RAB3IP: variants seen among roughly 807,000 people sequenced by gnomAD.
RAB3IP encodes the protein RAB3A interacting protein.
A neutral mutation model predicts 59.1 loss-of-function variants in RAB3IP; 36 were observed. The ratio of observed to expected loss-of-function variants is 0.61; its 90% CI spans 0.47 to 0.80. The LOEUF (loss-of-function observed/expected upper bound fraction) is 0.80, where lower values mean the gene tolerates loss of function less well. Ranked by LOEUF, RAB3IP falls within the 30% of genes least tolerant of loss-of-function variation. The pLI is 0.00. For synonymous variants in RAB3IP, 207 were observed against 191.2 expected, an observed-to-expected ratio of 1.08 and a Z score of -0.68; for missense variants, 511 against 536.0, an observed-to-expected ratio of 0.95 and a Z score of 0.46.
chr12:69,782,217 T>G (rs1874846304), intron 3 of RAB3IP, among the ~76,000 whole-genome samples: 3 of 152,174 alleles, frequency 2.0e-5, no homozygotes, highest in Admixed American at 2.0e-4. Flanking sequence ...CAGGCTGGAG[T>G]GCAGTGGCGC....
chr12:69,756,690 C>G (rs763407159), intron 3 of RAB3IP, 27 bp downstream of exon 3: 4 of 1,568,484 alleles, frequency 2.6e-6, no homozygotes, highest in Non-Finnish European at 1.7e-6. Context: ...TTTATTCTTC[C>G]ATATATTATA....
At chr12:69,743,155 T>C (rs1391430323) in intron 1 of RAB3IP, among the ~76,000 whole-genome samples, 2 of 152,206 alleles carry the variant, frequency 1.3e-5, no homozygotes, top group African/African-American at 4.8e-5. Flanking sequence ...TAAAGGAGCA[T>C]ATAGATGATA....
intron 3 of RAB3IP, among the ~76,000 whole-genome samples, chr12:69,761,656 T>C (rs1157983418): frequency 1.3e-5 from 2 of 152,230 alleles, no homozygotes; most frequent in African/African-American, 4.8e-5. Flanking sequence ...CTCATGATTA[T>C]ATCTTGAGCA....
At chr12:69,739,600 C>T (rs1188009493) in intron 1 of RAB3IP, 7 of 585,032 alleles carry the variant, frequency 1.2e-5, no homozygotes, top group African/African-American at 9.4e-5. Context: ...AGGTCACCCT[C>T]GGGAGGTTTC....
intron 8 of RAB3IP, among the ~76,000 whole-genome samples, chr12:69,808,581 G>T (rs1025455861): frequency 1.3e-4 from 20 of 152,270 alleles, no homozygotes; most frequent in African/African-American, 4.8e-4. Flanking sequence ...ATGAATCTGG[G>T]TGCTCCTGTA....
rs1881514190 is a variant in RAB3IP, at chr12:69,819,879, GTC to G, written c.*4440_*4441del. 2 of 152,162 alleles carry G rather than the reference GTC, an allele frequency of 1.3e-5. No homozygotes were observed. Among genetic ancestry groups the G allele is most frequent in the South Asian group, 4.1e-4 (2 of 4,834 alleles). 9.4% of individuals were successfully genotyped at this position (152,162 alleles called of 1,614,324 possible). ...AGGTGGCCACTCCTCTCTCTTCATGGTCTCTCTCAGCTTGAAGACAATTTACA... is the reference window on the plus strand; with the variant it reads ...AGGTGGCCACTCCTCTCTCTTCATGGTCTCTCAGCTTGAAGACAATTTACA... On this transcript the variant is annotated 3_prime_UTR_variant, in exon 11 of 11. Transcript: ENST00000247833.
At chr12:69,748,821 T>C (rs1868762472) in intron 1 of RAB3IP, among the ~76,000 whole-genome samples, 1 of 152,154 alleles carries the variant, frequency 6.6e-6, no homozygotes, top group African/African-American at 2.4e-5. Flanking sequence ...GTATGTGAAA[T>C]AAATCTTAAA....
chr12:69,767,932 G>T (rs1207738686), intron 3 of RAB3IP, among the ~76,000 whole-genome samples: 1 of 151,576 alleles, frequency 6.6e-6, no homozygotes, highest in Non-Finnish European at 1.5e-5. Context: ...GCACAAGAGG[G>T]GTGAGGTTAC....
At chr12:69,809,841 C>T (rs913986899) in intron 8 of RAB3IP, among the ~76,000 whole-genome samples, 3 of 152,074 alleles carry the variant, frequency 2.0e-5, no homozygotes, top group Admixed American at 1.3e-4. Context: ...GCCATTGGTT[C>T]GAACTTCCTC....
At chr12:69,761,750 G>C (rs971393509) in intron 3 of RAB3IP, among the ~76,000 whole-genome samples, 18 of 152,160 alleles carry the variant, frequency 1.2e-4, no homozygotes, top group Non-Finnish European at 2.4e-4. Context: ...ATACACACAT[G>C]CCTGATATAT....
intron 1 of RAB3IP, among the ~76,000 whole-genome samples, chr12:69,747,619 A>G (rs918683852): frequency 6.6e-6 from 1 of 152,170 alleles, no homozygotes; most frequent in African/African-American, 2.4e-5. Context: ...CCATTTTTAG[A>G]TGAGAAATTG....
rs1443520441 is a variant in RAB3IP at position 69,819,286 on chromosome 12, C to T, written c.*3840C>T. The stretch of plus-strand genomic sequence containing the variant: ...AAAGAATTCAGGTCTGAATCTTAGG[C>T]TTTTGGCTTGAGCTATTGCAGTTTA... On this transcript the variant is annotated 3_prime_UTR_variant, in exon 11 of 11. Coordinates refer to ENST00000247833, the MANE Select transcript of RAB3IP (RefSeq NM_022456.5). 2.0e-5 allele frequency: 3 copies of T among 152,138 alleles called. No homozygotes were observed. Among genetic ancestry groups the T allele is most frequent in the African/African-American group, 7.2e-5 (3 of 41,430 alleles). 9.4% of individuals were successfully genotyped at this position (152,138 alleles called of 1,614,324 possible). A position where few individuals can be genotyped will look rare whatever the true frequency, so the allele number is the denominator to read the frequency against.
chr12:69,810,315 G>C lies in RAB3IP; in HGVS notation c.1131-2463G>C, dbSNP rs569691327. On this transcript the variant is annotated intron_variant, in intron 8 of 10. Transcript: ENST00000247833. ...AGGTGTCAGTCCGCCCCTACTGGGG[G>C]GTGCCTCCCAGTTAGGCTACTCGGG... 4.6e-5 allele frequency among the ~76,000 whole-genome samples: 7 copies of C among 152,276 alleles called. No homozygotes were observed. The South Asian group carries it at 1.5e-3, about 32-fold the overall frequency.
At chr12:69,787,201 T>C (rs1026326198) in intron 4 of RAB3IP, among the ~76,000 whole-genome samples, 1 of 152,166 alleles carries the variant, frequency 6.6e-6, no homozygotes, top group African/African-American at 2.4e-5. Context: ...AATTATACTT[T>C]GTATGTAGCA....
intron 8 of RAB3IP, among the ~76,000 whole-genome samples, chr12:69,807,447 A>G (rs1263376432): frequency 7.3e-6 from 1 of 137,356 alleles, no homozygotes; most frequent in African/African-American, 2.8e-5. Context: ...GGCGCTCCTC[A>G]CATCCCAGAC....
At position 69,812,838 on chromosome 12, in the gene RAB3IP, A is replaced by G; in HGVS notation, c.1191A>G (p.Ser397=). 1 of 1,613,212 alleles carries G rather than the reference A, an allele frequency of 6.2e-7. No homozygotes were observed. The highest frequency in any genetic ancestry group is 8.5e-7 in the Non-Finnish European group (1 of 1,179,184). ...AACACAGAATTAAATTAGGGGACTC[A>G]AGCAACTATTATTATATTTCTCCTT... ...SCKHRIKLGD[S]SNYYYISPFC... is the part of the protein sequence containing the mutation. The change falls in exon 9 of 11, where the codon TCA becomes TCG. Residue 397 remains serine (S), a synonymous_variant. Coordinates refer to ENST00000247833, the MANE Select transcript of RAB3IP (RefSeq NM_022456.5).
intron 8 of RAB3IP, among the ~76,000 whole-genome samples, chr12:69,806,308 T>C (rs1022974469): frequency 2.6e-5 from 4 of 152,236 alleles, no homozygotes; most frequent in Non-Finnish European, 5.9e-5. Flanking sequence ...TATTCTCTGA[T>C]GGTAGTTTGT....
rs147832771 is a variant in RAB3IP, at chr12:69,764,359, A to T, written c.510+7696A>T. 1.3e-3 allele frequency among the ~76,000 whole-genome samples: 202 copies of T among 152,286 alleles called. 2 individuals are homozygous for T. In the East Asian group the frequency reaches 0.032, roughly 24 times the overall value. On this transcript the variant is annotated intron_variant, in intron 3 of 10. Coordinates refer to ENST00000247833, the MANE Select transcript of RAB3IP (RefSeq NM_022456.5). The stretch of plus-strand genomic sequence containing the variant: ...GTATTCCAGTTTCATTCTTCTGCAT[A>T]TGCCTAGCCAGCTATCCTAGCACCA...
intron 3 of RAB3IP, among the ~76,000 whole-genome samples, chr12:69,764,296 A>C (rs1049164720): frequency 6.6e-6 from 1 of 152,172 alleles, no homozygotes; most frequent in Non-Finnish European, 1.5e-5. Flanking sequence ...TGAAATCTTT[A>C]ATCTATCTTA....
Sources: allele counts gnomAD v4.1 joint callset (sites outside exome capture counted in the v4.1 genomes callset), GRCh38; gene constraint gnomAD v4.1.1; transcripts MANE v1.5; gene names NCBI Gene and HGNC (gene_info 2026-07-23, HGNC 2026-07-21).